ALG1: variants seen among roughly 807,000 people sequenced by gnomAD.
The protein encoded by ALG1 is chitobiosyldiphosphodolichol beta-mannosyltransferase.
ALG1 carries 58 observed loss-of-function variants against 55.1 expected under a neutral mutation model. The ratio of observed to expected loss-of-function variants is 1.05; its 90% CI spans 0.85 to 1.31. The LOEUF (loss-of-function observed/expected upper bound fraction) is 1.31. Among genes scored for constraint, ALG1 ranks in the 50% most tolerant of loss-of-function variants. The pLI is 0.00. For synonymous variants in ALG1, 309 were observed against 247.0 expected, an observed-to-expected ratio of 1.25 and a Z score of -2.35; for missense variants, 761 against 598.6, an observed-to-expected ratio of 1.27 and a Z score of -2.83.
chr16:5,078,954 A>G, intron 7 of ALG1, 76 bp downstream of exon 7: 2 of 1,596,714 alleles, frequency 1.3e-6, no homozygotes, highest in Non-Finnish European at 1.7e-6. Flanking sequence ...CACCCCTGCC[A>G]GTCCTGCATG....
chr16:5,075,197 C>T (rs988193257), intron 3 of ALG1, among the ~76,000 whole-genome samples, 191 bp from the exon 4 acceptor site: 12 of 152,204 alleles, frequency 7.9e-5, no homozygotes, highest in Admixed American at 1.3e-4. Context: ...AGCCACCGCA[C>T]CTGGCCCATT....
Position 5,078,005 on chromosome 16 carries a change from C to T in ALG1, c.728C>T (p.Pro243Leu), listed in dbSNP as rs570334955. ...LFMKLGSMHS[P>L]FRARSEPEDP... Reference sequence around the variant, plus strand: ...ATGAAGCTGGGCAGCATGCACTCTCCGTTCAGGGCCCGGTAGGCCTCCCAT... The same window carrying T: ...ATGAAGCTGGGCAGCATGCACTCTCTGTTCAGGGCCCGGTAGGCCTCCCAT... Residue 243 changes from proline to leucine, a missense_variant, in exon 6 of 13, where the codon CCG becomes CTG. Coordinates refer to ENST00000262374, the MANE Select transcript of ALG1 (RefSeq NM_019109.5). 3.4e-5 allele frequency: 55 copies of T among 1,599,306 alleles called. No homozygotes were observed. In the East Asian group the frequency reaches 4.9e-4, roughly 14 times the overall value.
At chr16:5,078,313 C>A (rs1301990775) in intron 6 of ALG1, 1 of 629,376 alleles carries the variant, frequency 1.6e-6, no homozygotes, top group African/African-American at 1.8e-5. Flanking sequence ...TTTGTGGACC[C>A]CTGCGCTGTC....
chr16:5,084,733 T>A lies in ALG1; in HGVS notation c.1264-17T>A, dbSNP rs998447141. 2 of 1,596,266 alleles carry A rather than the reference T, an allele frequency of 1.3e-6. No individual in the cohort carries two copies. The highest frequency in any genetic ancestry group is 2.7e-5 in the African/African-American group (2 of 74,832). On this transcript the variant is annotated splice_polypyrimidine_tract_variant and intron_variant, in intron 12 of 12. Transcript: ENST00000262374. ...GGACAGGCAATGAGGTAAGCTCTGC[T>A]CTTTATTTTTTTGCAGATGCTTTTC...
rs999228998 is a variant in ALG1 at position 5,085,332 on chromosome 16, A to G, written c.*451A>G. On this transcript the variant is annotated 3_prime_UTR_variant, in exon 13 of 13. Coordinates refer to ENST00000262374, the MANE Select transcript of ALG1 (RefSeq NM_019109.5). Reference sequence around the variant, plus strand: ...GAACTGAGTGTGTCCACGTTGGGGGAACATCATACTTGATACACACGTTTT... The same window carrying G: ...GAACTGAGTGTGTCCACGTTGGGGGGACATCATACTTGATACACACGTTTT... 4.0e-6 allele frequency: 2 copies of G among 499,450 alleles called. No homozygotes were observed. Among genetic ancestry groups the G allele is most frequent in the Non-Finnish European group, 7.3e-6 (2 of 273,148 alleles). 30.9% of individuals were successfully genotyped at this position (499,450 alleles called of 1,614,324 possible).
intron 3 of ALG1, among the ~76,000 whole-genome samples, chr16:5,073,792 G>A (rs1191713242): frequency 3.3e-5 from 5 of 152,232 alleles, no homozygotes. Context: ...TCGGCTCACT[G>A]CAACCTCTGC....
chr16:5,073,310 C>T, intron 3 of ALG1, 54 bp downstream of exon 3: 1 of 1,524,070 alleles, frequency 6.6e-7, no homozygotes, highest in Non-Finnish European at 9.1e-7. Flanking sequence ...AGTTTACTTT[C>T]CAGCACAAAT....
Position 5,085,156 on chromosome 16 carries a change from G to T in ALG1, c.*275G>T, listed in dbSNP as rs55848638. ...CGTATTACTGTTCTGTGACTTCCCT[G>T]TGACCTCTGCAGAACTCCTCATCCT... On this transcript the variant is annotated 3_prime_UTR_variant, in exon 13 of 13. Transcript: ENST00000262374. 4.7e-3 allele frequency: 2,907 copies of T among 612,644 alleles called. 72 individuals are homozygous for T. In the African/African-American group the frequency reaches 0.048, roughly 10 times the overall value. 38.0% of individuals were successfully genotyped at this position (612,644 alleles called of 1,614,324 possible). A position where few individuals can be genotyped will look rare whatever the true frequency, so the allele number is the denominator to read the frequency against.
chr16:5,083,552 G>C, intron 11 of ALG1, 130 bp from the exon 12 acceptor site: 1 of 1,543,772 alleles, frequency 6.5e-7, no homozygotes, highest in East Asian at 2.3e-5. Flanking sequence ...CCAGCTCCCG[G>C]AAACCACACC....
intron 1 of ALG1, chr16:5,072,345 G>GGA: frequency 1.7e-6 from 2 of 1,149,304 alleles, no homozygotes; most frequent in Non-Finnish European, 2.4e-6. Flanking sequence ...GGCTAGTGCT[G>GGA]GTAGCTACGT....
At chr16:5,076,317 G>C (rs1325455234) in intron 4 of ALG1, among the ~76,000 whole-genome samples, 1 of 152,238 alleles carries the variant, frequency 6.6e-6, no homozygotes, top group Non-Finnish European at 1.5e-5. Context: ...AGTGGTGACA[G>C]CAGCAGCAAA....
At chr16:5,084,031 C>T (rs1261381023) in intron 12 of ALG1, among the ~76,000 whole-genome samples, 2 of 152,094 alleles carry the variant, frequency 1.3e-5, no homozygotes, top group Non-Finnish European at 2.9e-5. Flanking sequence ...GGCCGGGCTG[C>T]GGTTGAGGAA....
At chr16:5,076,728 C>T (rs759646149) in intron 4 of ALG1, among the ~76,000 whole-genome samples, 42 of 151,872 alleles carry the variant, frequency 2.8e-4, no homozygotes, top group Non-Finnish European at 5.0e-4. Flanking sequence ...CGTGACCTTA[C>T]AGCCTTTGCA....
intron 4 of ALG1, among the ~76,000 whole-genome samples, chr16:5,076,992 A>G (rs1243080746): frequency 2.6e-5 from 4 of 151,608 alleles, no homozygotes; most frequent in African/African-American, 9.7e-5. Flanking sequence ...ACAGGGTTTC[A>G]CCACGTTGGC....
Position 5,084,956 on chromosome 16 carries a change from A to T in ALG1, c.*75A>T. The T allele has an allele frequency of 6.3e-7, 1 of 1,595,260 alleles. No homozygotes were observed. Among genetic ancestry groups the T allele is most frequent in the Non-Finnish European group, 8.5e-7 (1 of 1,178,858 alleles). On this transcript the variant is annotated 3_prime_UTR_variant, in exon 13 of 13. Transcript: ENST00000262374. ...GCTTCTTCTTGGAGTCTCAGGGCAA[A>T]CCCTTTCGAGCAGCACCTCCCAGTG...
At chr16:5,081,106 G>GGGGGGGGGTAA in intron 10 of ALG1, 50 bp downstream of exon 10, 1 of 1,407,860 alleles carries the variant, frequency 7.1e-7, no homozygotes, top group Non-Finnish European at 9.6e-7. Context: ...AACAGGGTGG[G>GGGGGGGGGTAA]CGGGATGTAC....
chr16:5,073,392 A>T, intron 3 of ALG1, 136 bp downstream of exon 3: 1 of 755,964 alleles, frequency 1.3e-6, no homozygotes, highest in Non-Finnish European at 2.3e-6. Flanking sequence ...GTAGGAGCCT[A>T]TGGTATGTGT....
chr16:5,077,680 CT>C, intron 5 of ALG1, 146 bp downstream of exon 5: 1 of 1,053,276 alleles, frequency 9.5e-7, no homozygotes, highest in Non-Finnish European at 1.4e-6. Flanking sequence ...TTTGGGGAAG[CT>C]GGGGGAGGAG....
Position 5,085,119 on chromosome 16 carries a change from T to C in ALG1, c.*238T>C, listed in dbSNP as rs1957110074. On this transcript the variant is annotated 3_prime_UTR_variant, in exon 13 of 13. Transcript: ENST00000262374. ...CTCTTCTTCTGTTCTTCACGCCCCA[T>C]GCCCCTGCTAGCGTATTACTGTTCT... 3 of 699,038 alleles carry C rather than the reference T, an allele frequency of 4.3e-6. No individual in the cohort carries two copies. In the East Asian group the frequency reaches 8.2e-5, roughly 19 times the overall value. 43.3% of individuals were successfully genotyped at this position (699,038 alleles called of 1,614,324 possible). A position where few individuals can be genotyped will look rare whatever the true frequency, so the allele number is the denominator to read the frequency against.
Sources: allele counts gnomAD v4.1 joint callset (sites outside exome capture counted in the v4.1 genomes callset), GRCh38; gene constraint gnomAD v4.1.1; transcripts MANE v1.5; gene names NCBI Gene and HGNC (gene_info 2026-07-23, HGNC 2026-07-21).